Variants in IL1RAP observed in about 807,000 individuals in gnomAD.
The protein encoded by IL1RAP is interleukin-1 receptor accessory protein.
IL1RAP carries 35 observed loss-of-function variants against 60.7 expected under a neutral mutation model. The observed-to-expected ratio is 0.58, with a 90% CI of 0.44 to 0.76. The LOEUF (loss-of-function observed/expected upper bound fraction) is 0.76. Among genes scored for constraint, IL1RAP ranks in the 30% least tolerant of loss-of-function variants. IL1RAP has a pLI of 0.00. For synonymous variants in IL1RAP, 268 were observed against 250.9 expected (o/e 1.07, Z -0.64); for missense variants, 572 against 693.9 (o/e 0.82, Z 1.97).
At chr3:190,570,600 C>T (rs774439881) in intron 3 of IL1RAP, among the ~76,000 whole-genome samples, 1 of 151,948 alleles carries the variant, frequency 6.6e-6, no homozygotes, top group African/African-American at 2.4e-5. Context: ...GAGCTTCGCT[C>T]TTGTTGCCAG....
intron 5 of IL1RAP, among the ~76,000 whole-genome samples, chr3:190,619,453 T>A (rs1487860986): frequency 6.6e-6 from 1 of 152,158 alleles, no homozygotes; most frequent in African/African-American, 2.4e-5. Flanking sequence ...TGGGATAAAG[T>A]TGGTGGCTCA....
At chr3:190,532,470 G>A (rs1490290311) in intron 1 of IL1RAP, among the ~76,000 whole-genome samples, 1 of 152,038 alleles carries the variant, frequency 6.6e-6, no homozygotes, top group Non-Finnish European at 1.5e-5. Context: ...CACCGTGTTA[G>A]CCAGGATGTT....
chr3:190,547,952 G>A (rs1724528672), intron 1 of IL1RAP, among the ~76,000 whole-genome samples: 1 of 152,132 alleles, frequency 6.6e-6, no homozygotes, highest in Admixed American at 6.5e-5. Flanking sequence ...GCCTCTCCGA[G>A]GCTTCTGGGC....
At chr3:190,610,199 C>T (rs552971037) in intron 5 of IL1RAP, among the ~76,000 whole-genome samples, 37 of 152,116 alleles carry the variant, frequency 2.4e-4, no homozygotes, top group African/African-American at 1.2e-4. Flanking sequence ...AAAGCCAGGA[C>T]GTCTTAAGAC....
intron 1 of IL1RAP, among the ~76,000 whole-genome samples, chr3:190,529,160 G>A (rs926873289): frequency 2.6e-5 from 4 of 152,344 alleles, no homozygotes; most frequent in Non-Finnish European, 5.9e-5. Context: ...TTCTGCAGAA[G>A]AGATTGGTGC....
At chr3:190,654,994 G>A (rs1734565684), downstream of IL1RAP, among the ~76,000 whole-genome samples, 1 of 152,036 alleles carries the variant, frequency 6.6e-6, no homozygotes, top group South Asian at 2.1e-4. Flanking sequence ...CATTTTCATT[G>A]TTTTTGCCCC....
At chr3:190,652,094 T>A (rs1016612895), downstream of IL1RAP, among the ~76,000 whole-genome samples, 2 of 152,162 alleles carry the variant, frequency 1.3e-5, no homozygotes, top group Non-Finnish European at 2.9e-5. Context: ...AAATCAGTGA[T>A]TAATATTTGG....
intron 1 of IL1RAP, among the ~76,000 whole-genome samples, chr3:190,538,768 A>G (rs550650064): frequency 9.7e-4 from 147 of 152,142 alleles, no homozygotes; most frequent in African/African-American, 3.3e-3. Context: ...GTGGCAGGTA[A>G]TTGAATCATG....
In IL1RAP at chr3:190,529,409, C is replaced by G. The variant is rs188977770; in HGVS notation, c.-89+15190C>G. 2.3e-3 allele frequency among the ~76,000 whole-genome samples: 343 copies of G among 152,112 alleles called. 1 individual carries two copies. The highest frequency in any genetic ancestry group is 3.7e-3 in the Admixed American group (57 of 15,284). ...TCTCTACTAAAAATACAAAAATGGC[C>G]GGGCGTGGTGGCTCATGCCTGTAAT... On this transcript the variant is annotated intron_variant, in intron 1 of 11. Coordinates refer to ENST00000447382, the MANE Select transcript of IL1RAP (RefSeq NM_002182.4).
At chr3:190,534,631 G>A (rs1478593462) in intron 1 of IL1RAP, among the ~76,000 whole-genome samples, 2 of 152,036 alleles carry the variant, frequency 1.3e-5, no homozygotes, top group Non-Finnish European at 2.9e-5. Context: ...TAGGACCATT[G>A]CCTGTTCAGA....
chr3:190,577,057 C>G (rs1727539016), intron 3 of IL1RAP, among the ~76,000 whole-genome samples: 1 of 147,976 alleles, frequency 6.8e-6, no homozygotes, highest in South Asian at 2.1e-4. Context: ...GCCGAGATCG[C>G]GCCACCGCAC....
At chr3:190,550,364 T>C (rs1448318145) in intron 1 of IL1RAP, 1 of 152,158 alleles carries the variant, frequency 6.6e-6, no homozygotes, top group Non-Finnish European at 1.5e-5. Flanking sequence ...AAGCTTGAAA[T>C]TGAGTTTGGG....
At chr3:190,551,327 C>T (rs1724844554) in intron 1 of IL1RAP, among the ~76,000 whole-genome samples, 1 of 152,026 alleles carries the variant, frequency 6.6e-6, no homozygotes, top group African/African-American at 2.4e-5. Flanking sequence ...TGTCCTGTTG[C>T]AAAAGAAAAA....
At chr3:190,615,082 GA>G (rs1731152472) in intron 5 of IL1RAP, among the ~76,000 whole-genome samples, 1 of 151,630 alleles carries the variant, frequency 6.6e-6, no homozygotes, top group Non-Finnish European at 1.5e-5. Flanking sequence ...CTGCATGGCG[GA>G]AAAAAATTCT....
chr3:190,622,240 C>T (rs2108798056), intron 6 of IL1RAP, among the ~76,000 whole-genome samples: 1 of 152,302 alleles, frequency 6.6e-6, no homozygotes, highest in Middle Eastern at 3.4e-3. Context: ...CGACCTTAAG[C>T]ATGGAGGGTA....
At chr3:190,554,755 G>A (rs1725256280) in intron 1 of IL1RAP, 1 of 152,088 alleles carries the variant, frequency 6.6e-6, no homozygotes, top group African/African-American at 2.4e-5. Flanking sequence ...GTGTGTGTGT[G>A]TGTGTGTGTC....
At chr3:190,597,504 T>A (rs1228999900) in intron 3 of IL1RAP, among the ~76,000 whole-genome samples, 1 of 152,160 alleles carries the variant, frequency 6.6e-6, no homozygotes, top group African/African-American at 2.4e-5. Flanking sequence ...GATGCTACCT[T>A]TTCAACAGTT....
At chr3:190,644,424 C>T (rs1357647583) in intron 10 of IL1RAP, 27 bp downstream of exon 10, 6 of 1,525,724 alleles carry the variant, frequency 3.9e-6, no homozygotes, top group Non-Finnish European at 5.5e-6. Flanking sequence ...TGACATAAAC[C>T]TCTTCTACTG....
rs1457889115 is a variant in IL1RAP, at chr3:190,648,365, T to C, written c.1373T>C (p.Ile458Thr). 1 of 1,597,830 alleles carries C rather than the reference T, an allele frequency of 6.3e-7. No homozygotes were observed. The highest frequency in any genetic ancestry group is 8.5e-7 in the Non-Finnish European group (1 of 1,175,684). The change falls in exon 12 of 12, where the codon ATT becomes ACT. Residue 458 changes from isoleucine (I) to threonine (T), a missense_variant. Coordinates refer to ENST00000447382, the MANE Select transcript of IL1RAP (RefSeq NM_002182.4). ...GTCACAGATGAGACTTTGAGCTTCA[T>C]TCAGAAAAGCAGACGCCTCCTGGTT... Reference protein sequence around the residue: ...GIVTDETLSFIQKSRRLLVVL... With the variant: ...GIVTDETLSFTQKSRRLLVVL...
Sources: allele counts gnomAD v4.1 joint callset (sites outside exome capture counted in the v4.1 genomes callset), GRCh38; gene constraint gnomAD v4.1.1; transcripts MANE v1.5; gene names NCBI Gene and HGNC (gene_info 2026-07-23, HGNC 2026-07-21).